The following ATP5PF variants were observed in gnomAD, a reference collection of about 807,000 sequenced individuals.
The protein encoded by ATP5PF is ATP synthase peripheral stalk subunit F6.
In ATP5PF, 7 loss-of-function variants were observed where a neutral mutation model predicts 12.0. The observed-to-expected ratio is 0.58, with a 90% CI of 0.33 to 1.10. The LOEUF (loss-of-function observed/expected upper bound fraction) is 1.10. Ranked by LOEUF, ATP5PF falls within the 50% of genes least tolerant of loss-of-function variation. The pLI, the probability that ATP5PF is intolerant of heterozygous loss-of-function variation, is 0.03. For synonymous variants in ATP5PF, 41 were observed against 45.4 expected, an observed-to-expected ratio of 0.90 and a Z score of 0.39; for missense variants, 120 against 127.7, an observed-to-expected ratio of 0.94 and a Z score of 0.29.
At chr21:25,728,596 T>C (rs2034677320) in intron 2 of ATP5PF, among the ~76,000 whole-genome samples, 1 of 152,166 alleles carries the variant, frequency 6.6e-6, no homozygotes, top group Non-Finnish European at 1.5e-5. Flanking sequence ...TCCTGTGGGT[T>C]TGAGAACTGT....
chr21:25,735,353 A>C (rs1238877534), upstream of ATP5PF: 2 of 217,638 alleles, frequency 9.2e-6, no homozygotes, highest in Non-Finnish European at 9.3e-6. Context: ...CGTTTTGCGC[A>C]CCCTGCCGGG....
At chr21:25,734,793 GA>G in intron 1 of ATP5PF, 59 bp downstream of exon 1, 1 of 1,488,870 alleles carries the variant, frequency 6.7e-7, no homozygotes, top group Non-Finnish European at 9.0e-7. Context: ...CAGGCCTCGT[GA>G]AAAAACCCAG....
At position 25,730,179 on chromosome 21, in the gene ATP5PF, G is replaced by A. The variant is rs531594329; in HGVS notation, c.-7-378C>T. Among the ~76,000 whole-genome samples the A allele has an allele frequency of 8.5e-5, 13 of 152,310 alleles. No homozygotes were observed. In the South Asian group the frequency reaches 2.5e-3, roughly 29 times the overall value. ...CACTGGCCCCCAAACTAATGTACAAGGTTTCCCATACCTCAGCCGGGCATG... is the reference window on the plus strand; with the variant it reads ...CACTGGCCCCCAAACTAATGTACAAAGTTTCCCATACCTCAGCCGGGCATG... On this transcript the variant is annotated intron_variant, in intron 1 of 3. Transcript: ENST00000284971.
chr21:25,732,985 C>CAAAAAAAAAAA (rs370858284), intron 1 of ATP5PF, among the ~76,000 whole-genome samples: 1 of 47,810 alleles, frequency 2.1e-5, no homozygotes, highest in African/African-American at 8.4e-5. Flanking sequence ...AACTCTGTCT[C>CAAAAAAAAAAA]AAAAAAAAAA....
rs768407077 is a variant in ATP5PF at position 25,729,624 on chromosome 21, C to G, written c.164+7G>C. On this transcript the variant is annotated splice_region_variant and intron_variant, in intron 2 of 3. Coordinates refer to ENST00000284971, the MANE Select transcript of ATP5PF (RefSeq NM_001003703.2). ...TATATTTACACTGTAGTTATTTATT[C>G]ACTTACTGTCGCTTAGATTTGTATT... 2 of 1,596,980 alleles carry G rather than the reference C, an allele frequency of 1.3e-6. No individual in the cohort carries two copies. The highest frequency in any genetic ancestry group is 1.7e-6 in the Non-Finnish European group (2 of 1,170,986).
rs890741365 is a variant in ATP5PF, at chr21:25,734,456, C to T, written c.-8+397G>A. 9 of 875,360 alleles carry T rather than the reference C, an allele frequency of 1.0e-5. 1 individual carries two copies. Among genetic ancestry groups the T allele is most frequent in the Non-Finnish European group, 1.1e-5 (8 of 724,928 alleles). The allele number at this position is 875,360 out of a possible 1,614,324, so 54.2% of individuals were successfully genotyped here. ...GGGATGCAAACTTTCAATATTATGA[C>T]TAATTTTTTCCCTCTTAATGGTACA... On this transcript the variant is annotated intron_variant, in intron 1 of 3. Transcript: ENST00000284971.
intron 1 of ATP5PF, among the ~76,000 whole-genome samples, chr21:25,733,583 C>G (rs1356766296): frequency 6.8e-6 from 1 of 146,794 alleles, no homozygotes; most frequent in Non-Finnish European, 1.5e-5. Context: ...CACATATATG[C>G]AAAAAAAAAA....
intron 2 of ATP5PF, among the ~76,000 whole-genome samples, chr21:25,726,021 T>C (rs2034609920): frequency 6.6e-6 from 1 of 152,206 alleles, no homozygotes; most frequent in South Asian, 2.1e-4. Flanking sequence ...ATTCAGCAAC[T>C]GCGTAAACCT....
chr21:25,734,850 C>G lies in ATP5PF; in HGVS notation c.-8+3G>C. On this transcript the variant is annotated splice_donor_region_variant and intron_variant, in intron 1 of 3. Coordinates refer to ENST00000284971, the MANE Select transcript of ATP5PF (RefSeq NM_001003703.2). ...ACGCTGATCTAGCTACCCTCCCAGTCACCTTGCACTCAGTCCCGAGCTGCC... is the reference window on the plus strand; with the variant it reads ...ACGCTGATCTAGCTACCCTCCCAGTGACCTTGCACTCAGTCCCGAGCTGCC... 6.5e-7 allele frequency: 1 copy of G among 1,537,840 alleles called. No homozygotes were observed. The highest frequency in any genetic ancestry group is 8.7e-7 in the Non-Finnish European group (1 of 1,145,130).
Position 25,730,260 on chromosome 21 carries a change from T to C in ATP5PF, c.-7-459A>G, listed in dbSNP as rs1014712079. 1.2e-4 allele frequency among the ~76,000 whole-genome samples: 19 copies of C among 152,296 alleles called. 1 individual carries two copies. Among genetic ancestry groups the C allele is most frequent in the Middle Eastern group, 6.8e-3 (2 of 294 alleles). ...ACAGAGGGAGAAACTGCTCTGCCTG[T>C]TACAAATGGATTCCAGCCATTTAAG... is the stretch of plus-strand genomic sequence containing the variant. On this transcript the variant is annotated intron_variant, in intron 1 of 3. Transcript: ENST00000284971.
chr21:25,734,555 G>T, intron 1 of ATP5PF: 2 of 446,232 alleles, frequency 4.5e-6, no homozygotes, highest in South Asian at 6.0e-5. Context: ...TCTCCCGCGC[G>T]CCTGACCTTG....
intron 1 of ATP5PF, chr21:25,734,549 C>A: frequency 2.2e-6 from 1 of 460,670 alleles, no homozygotes; most frequent in Non-Finnish European, 3.2e-6. Flanking sequence ...AAAATCTCTC[C>A]CGCGCGCCTG....
intron 2 of ATP5PF, among the ~76,000 whole-genome samples, chr21:25,728,377 C>A (rs777762999): frequency 1.3e-5 from 2 of 152,168 alleles, no homozygotes; most frequent in African/African-American, 4.8e-5. Context: ...TCTTCATATA[C>A]CCTATACTCC....
At chr21:25,725,034 C>T (rs2034579102) in intron 3 of ATP5PF, 192 bp downstream of exon 3, 4 of 714,358 alleles carry the variant, frequency 5.6e-6, no homozygotes, top group Middle Eastern at 3.9e-4. Context: ...CATTTAATCA[C>T]TATGTTATGT....
chr21:25,724,588 A>T lies in ATP5PF; in HGVS notation c.*52T>A. Reference sequence around the variant, plus strand: ...CATGTTTATTCTGAAACTTCTAACTAGTTGTACAACTAATCCGTGACAAAT... The same window carrying T: ...CATGTTTATTCTGAAACTTCTAACTTGTTGTACAACTAATCCGTGACAAAT... On this transcript the variant is annotated 3_prime_UTR_variant, in exon 4 of 4. Transcript: ENST00000284971. The T allele has an allele frequency of 6.4e-7, 1 of 1,561,062 alleles. No homozygotes were observed. The highest frequency in any genetic ancestry group is 8.8e-7 in the Non-Finnish European group (1 of 1,139,768).
intron 2 of ATP5PF, among the ~76,000 whole-genome samples, chr21:25,726,971 T>C (rs537711620): frequency 1.6e-4 from 25 of 152,372 alleles, no homozygotes; most frequent in Non-Finnish European, 2.9e-4. Flanking sequence ...AATTTTCTTT[T>C]AGATTAGCAC....
chr21:25,733,545 C>T (rs954946596), intron 1 of ATP5PF, among the ~76,000 whole-genome samples: 1 of 151,528 alleles, frequency 6.6e-6, no homozygotes, highest in African/African-American at 2.4e-5. Context: ...AGTATCTGGT[C>T]AAAGTTACAC....
intron 1 of ATP5PF, among the ~76,000 whole-genome samples, chr21:25,730,340 C>G (rs1241744818): frequency 6.6e-6 from 1 of 152,188 alleles, no homozygotes. Context: ...AAAACAGCAG[C>G]CAGTCCAAAT....
At chr21:25,735,054 G>A (rs1415523242), upstream of ATP5PF, 4 of 1,272,886 alleles carry the variant, frequency 3.1e-6, no homozygotes, top group African/African-American at 3.0e-5. Context: ...AAGCCAAACA[G>A]GAGGAGGAAG....
Sources: allele counts gnomAD v4.1 joint callset (sites outside exome capture counted in the v4.1 genomes callset), GRCh38; gene constraint gnomAD v4.1.1; transcripts MANE v1.5; gene names NCBI Gene and HGNC (gene_info 2026-07-23, HGNC 2026-07-21).